The following DENND1A variants were observed in gnomAD, a reference collection of about 807,000 sequenced individuals.
DENND1A encodes DENN domain containing 1A.
DENND1A carries 51 observed loss-of-function variants against 113.7 expected under a neutral mutation model. The observed-to-expected ratio is 0.45, with a 90% CI of 0.36 to 0.57. The LOEUF (loss-of-function observed/expected upper bound fraction) is 0.57, where lower values mean the gene tolerates loss of function less well. Among genes scored for constraint, DENND1A ranks in the 20% least tolerant of loss-of-function variants. DENND1A has a pLI of 0.00. For missense variants in DENND1A, 1,258 were observed against 1,395.9 expected (o/e 0.90, Z 1.57); for synonymous variants, 565 against 570.8 (o/e 0.99, Z 0.14).
At chr9:123,798,577 T>C (rs1233820409) in intron 2 of DENND1A, 1 of 152,092 alleles carries the variant, frequency 6.6e-6, no homozygotes, top group African/African-American at 2.4e-5. Context: ...TACTGATAGT[T>C]TGAAATATTT....
chr9:123,677,279 C>T (rs372379569), intron 5 of DENND1A, among the ~76,000 whole-genome samples: 1 of 152,210 alleles, frequency 6.6e-6, no homozygotes, highest in South Asian at 2.1e-4. Flanking sequence ...ACATTCTACC[C>T]ATCACACACC....
chr9:123,838,014 G>A (rs182701415), intron 2 of DENND1A, among the ~76,000 whole-genome samples: 1 of 152,176 alleles, frequency 6.6e-6, no homozygotes, highest in African/African-American at 2.4e-5. Context: ...TTATAAACTG[G>A]CTGTACCAGA....
intron 11 of DENND1A, among the ~76,000 whole-genome samples, chr9:123,587,752 T>A (rs1221874204): frequency 2.0e-5 from 3 of 152,216 alleles, no homozygotes; most frequent in Non-Finnish European, 4.4e-5. Context: ...TACACAATCC[T>A]GCATGCAATT....
At chr9:123,737,207 G>A (rs1224144842) in intron 5 of DENND1A, among the ~76,000 whole-genome samples, 1 of 152,016 alleles carries the variant, frequency 6.6e-6, no homozygotes, top group Admixed American at 6.6e-5. Context: ...TGTTGTACTT[G>A]TTTAAGAGAC....
chr9:123,855,912 C>T (rs1844108018), intron 2 of DENND1A, among the ~76,000 whole-genome samples: 2 of 152,120 alleles, frequency 1.3e-5, no homozygotes, highest in African/African-American at 4.8e-5. Flanking sequence ...TGGCACATGC[C>T]TGTAATCCCA....
intron 13 of DENND1A, chr9:123,491,860 C>T (rs1177989024): frequency 1.3e-5 from 2 of 152,208 alleles, no homozygotes; most frequent in African/African-American, 4.8e-5. Flanking sequence ...CCTCTGTAAC[C>T]CTAGACTTGG....
intron 19 of DENND1A, among the ~76,000 whole-genome samples, chr9:123,417,168 C>T (rs761144047): frequency 3.3e-5 from 5 of 152,174 alleles, no homozygotes; most frequent in South Asian, 2.1e-4. Flanking sequence ...CAGTTACAGC[C>T]GCACGAGGTT....
chr9:123,840,447 G>A (rs902342967), intron 2 of DENND1A, among the ~76,000 whole-genome samples: 10 of 151,862 alleles, frequency 6.6e-5, no homozygotes, highest in Admixed American at 1.3e-4. Flanking sequence ...CAATGAGGTC[G>A]TTAGAATTTT....
intron 2 of DENND1A, among the ~76,000 whole-genome samples, chr9:123,812,068 C>T (rs1836710015): frequency 6.6e-6 from 1 of 152,088 alleles, no homozygotes; most frequent in South Asian, 2.1e-4. Context: ...ACCCCTTATC[C>T]CATTATCCTC....
intron 2 of DENND1A, among the ~76,000 whole-genome samples, chr9:123,842,542 T>A (rs1221252605): frequency 6.6e-6 from 1 of 151,016 alleles, no homozygotes; most frequent in African/African-American, 2.4e-5. Context: ...AATGGACAAA[T>A]CTCTAGAAAA....
intron 8 of DENND1A, among the ~76,000 whole-genome samples, chr9:123,664,874 T>G (rs2139799485): frequency 6.6e-6 from 1 of 152,322 alleles, no homozygotes; most frequent in Admixed American, 6.5e-5. Flanking sequence ...TTTAAAATAA[T>G]CCTTCAGTAG....
chr9:123,463,717 C>CAAGTCA (rs2048714876), intron 13 of DENND1A, among the ~76,000 whole-genome samples: 2 of 151,922 alleles, frequency 1.3e-5, no homozygotes. Context: ...CAAGACCAGC[C>CAAGTCA]TGGCCAACAT....
rs996141402 is a variant in DENND1A at position 123,523,405 on chromosome 9, G to A, written c.993+34165C>T. Among the ~76,000 whole-genome samples, 6 of 152,182 alleles carry A rather than the reference G, an allele frequency of 3.9e-5. No individual in the cohort carries two copies. In the East Asian group the frequency reaches 9.7e-4, roughly 25 times the overall value. On this transcript the variant is annotated intron_variant, in intron 13 of 23. Coordinates refer to ENST00000394215, the MANE Select transcript of DENND1A (RefSeq NM_001352964.2). Reference sequence around the variant, plus strand: ...AAGATACAGAACCAAAGCTCAAATCGTTGACTTGCTTTTACTGCTACACAG... The same window carrying A: ...AAGATACAGAACCAAAGCTCAAATCATTGACTTGCTTTTACTGCTACACAG...
chr9:123,415,422 C>T (rs1490429446), intron 19 of DENND1A, among the ~76,000 whole-genome samples: 1 of 152,186 alleles, frequency 6.6e-6, no homozygotes, highest in Non-Finnish European at 1.5e-5. Context: ...ATTGAAGACC[C>T]TCCACCCTGG....
intron 13 of DENND1A, among the ~76,000 whole-genome samples, chr9:123,538,409 G>A (rs2055961795): frequency 6.6e-6 from 1 of 152,118 alleles, no homozygotes; most frequent in African/African-American, 2.4e-5. Context: ...CCTAAGCCAG[G>A]TTTTGGTCTT....
At position 123,382,433 on chromosome 9, in the gene DENND1A, G is replaced by A. The variant is rs1449224989; in HGVS notation, c.2212C>T (p.Arg738Trp). Reference protein sequence around the residue: ...SLALPRRPQNRDSILNPSDKE... With the variant: ...SLALPRRPQNWDSILNPSDKE... ...TCACTGGGGTTCAGGATGCTGTCCC[G>A]GTTCTGGGGCCTTCGAGGCAGGGCC... Residue 738 changes from arginine (R) to tryptophan (W), a missense_variant, in exon 24 of 24, where the codon CGG becomes TGG. Transcript: ENST00000394215. 10 of 1,609,544 alleles carry A rather than the reference G, an allele frequency of 6.2e-6. No individual in the cohort carries two copies. The highest frequency in any genetic ancestry group is 3.3e-5 in the Admixed American group (2 of 59,734).
intron 13 of DENND1A, among the ~76,000 whole-genome samples, chr9:123,550,521 G>A (rs1422220013): frequency 6.6e-6 from 1 of 152,204 alleles, no homozygotes; most frequent in East Asian, 1.9e-4. Context: ...CGGTGGGCCA[G>A]ACATGGGGAG....
chr9:123,392,502 T>C (rs1415989747), intron 21 of DENND1A, among the ~76,000 whole-genome samples: 1 of 152,018 alleles, frequency 6.6e-6, no homozygotes, highest in Non-Finnish European at 1.5e-5. Context: ...GTCACGTGGC[T>C]CCAGTGGGCA....
chr9:123,614,898 C>G (rs2060577200), intron 10 of DENND1A, among the ~76,000 whole-genome samples: 1 of 152,108 alleles, frequency 6.6e-6, no homozygotes, highest in South Asian at 2.1e-4. Flanking sequence ...GCTTTTCTTT[C>G]TTTTTTTGTA....
Sources: allele counts gnomAD v4.1 joint callset (sites outside exome capture counted in the v4.1 genomes callset), GRCh38; gene constraint gnomAD v4.1.1; transcripts MANE v1.5; gene names NCBI Gene and HGNC (gene_info 2026-07-23, HGNC 2026-07-21).